Variants in USP34 observed in about 807,000 individuals in gnomAD.
The protein encoded by USP34 is ubiquitin specific peptidase 34.
USP34 carries 70 observed loss-of-function variants against 460.3 expected under a neutral mutation model. The ratio of observed to expected loss-of-function variants is 0.15; its 90% CI spans 0.13 to 0.19. USP34 has a LOEUF of 0.19. USP34 is among the 10% of genes least tolerant of loss of function. The pLI, the probability that USP34 is intolerant of heterozygous loss-of-function variation, is 1.00. For synonymous variants in USP34, 1,647 were observed against 1,405.3 expected, an observed-to-expected ratio of 1.17 and a Z score of -3.85; for missense variants, 3,985 against 4,236.2, an observed-to-expected ratio of 0.94 and a Z score of 1.65.
At chr2:61,256,776 G>GA in intron 47 of USP34, 97 bp downstream of exon 47, 3 of 923,922 alleles carry the variant, frequency 3.2e-6, no homozygotes, top group East Asian at 2.9e-5. Context: ...ATAAAAACAT[G>GA]AAAAAAGTTT....
intron 53 of USP34, among the ~76,000 whole-genome samples, chr2:61,238,520 G>A (rs1226123647): frequency 6.6e-6 from 1 of 152,048 alleles, no homozygotes; most frequent in African/African-American, 2.4e-5. Context: ...TAATTAGTTT[G>A]CTTAATCTCT....
intron 14 of USP34, 44 bp from the exon 15 acceptor site, chr2:61,348,524 T>G (rs368113258): frequency 6.4e-7 from 1 of 1,564,176 alleles, no homozygotes; most frequent in African/African-American, 1.4e-5. Context: ...TTTAAACCAG[T>G]AAGAAAAAAG....
In USP34 at chr2:61,433,388, C is replaced by T. The variant is rs567688046; in HGVS notation, c.44-12555G>A. Among the ~76,000 whole-genome samples the T allele has an allele frequency of 2.0e-5, 3 of 152,318 alleles. No individual in the cohort carries two copies. The East Asian group carries it at 5.8e-4, about 29-fold the overall frequency. ...GTGGCTCATGCCTGTAATCCCAGCA[C>T]TTTGAGGAGCTGAGGCAGGCGGATC... On this transcript the variant is annotated intron_variant, in intron 1 of 79. Coordinates refer to ENST00000398571, the MANE Select transcript of USP34 (RefSeq NM_014709.4).
Position 61,470,676 on chromosome 2 carries a change from G to A in USP34, c.17C>T (p.Ala6Val). Residue 6 changes from alanine to valine, a missense_variant, in exon 1 of 80, where the codon GCA (alanine) becomes GTA (valine). By Grantham distance (64) the Ala-to-Val change is moderately conservative (BLOSUM62 0). Transcript: ENST00000398571. MCENC[A>V]DLVEVLNEIS... Reference sequence around the variant, plus strand: ...TTCATTTAACACCTCCACCAGGTCTGCGCAGTTCTCGCACATCGTTCGGCC... The same window carrying A: ...TTCATTTAACACCTCCACCAGGTCTACGCAGTTCTCGCACATCGTTCGGCC... 1.3e-6 allele frequency: 2 copies of A among 1,595,236 alleles called. No homozygotes were observed. Among genetic ancestry groups the A allele is most frequent in the Non-Finnish European group, 1.7e-6 (2 of 1,171,256 alleles).
At chr2:61,267,439 G>A (rs1689084102) in intron 41 of USP34, among the ~76,000 whole-genome samples, 3 of 151,844 alleles carry the variant, frequency 2.0e-5, no homozygotes, top group South Asian at 4.1e-4. Context: ...AAAGTGGTTA[G>A]GAGATTTTTT....
intron 19 of USP34, 102 bp from the exon 20 acceptor site, chr2:61,331,473 G>C: frequency 7.3e-6 from 7 of 957,696 alleles, no homozygotes; most frequent in Non-Finnish European, 1.0e-5. Context: ...ATCTTCAAAT[G>C]TAAAATTTTA....
At chr2:61,449,903 TA>T (rs1324991857) in intron 1 of USP34, among the ~76,000 whole-genome samples, 1 of 151,816 alleles carries the variant, frequency 6.6e-6, no homozygotes, top group Non-Finnish European at 1.5e-5. Flanking sequence ...CCGTCTCTAC[TA>T]AAAATACAAA....
chr2:61,301,255 A>T, intron 28 of USP34, 95 bp from the exon 29 acceptor site: 1 of 1,513,384 alleles, frequency 6.6e-7, no homozygotes, highest in Non-Finnish European at 9.0e-7. Context: ...ATTTTAATAT[A>T]ACAAAGCAAT....
rs898839663 is a variant in USP34 at position 61,219,761 on chromosome 2, G to C, written c.8047+549C>G. On this transcript the variant is annotated intron_variant, in intron 67 of 79. Coordinates refer to ENST00000398571, the MANE Select transcript of USP34 (RefSeq NM_014709.4). ...GACTGTAGGGCCTTCTCAGCAAATAGATAGAAAATGTTTATAATAAGAAAT... is the reference window on the plus strand; with the variant it reads ...GACTGTAGGGCCTTCTCAGCAAATACATAGAAAATGTTTATAATAAGAAAT... Among the ~76,000 whole-genome samples the C allele has an allele frequency of 5.3e-5, 8 of 151,562 alleles. No individual in the cohort carries two copies. The East Asian group carries it at 9.7e-4, about 18-fold the overall frequency.
chr2:61,304,736 G>A (rs1200728782), intron 27 of USP34, among the ~76,000 whole-genome samples: 1 of 152,162 alleles, frequency 6.6e-6, no homozygotes, highest in African/African-American at 2.4e-5. Flanking sequence ...CCCATTTATG[G>A]TAGTTTTATA....
At chr2:61,259,283 A>T (rs187268646) in intron 44 of USP34, among the ~76,000 whole-genome samples, 144 of 151,846 alleles carry the variant, frequency 9.5e-4, no homozygotes, top group Middle Eastern at 3.4e-3. Context: ...AATAAATAAA[A>T]AAGTAAGAAA....
chr2:61,216,820 A>G (rs1202453466), intron 67 of USP34, among the ~76,000 whole-genome samples: 1 of 151,844 alleles, frequency 6.6e-6, no homozygotes, highest in African/African-American at 2.4e-5. Context: ...CAGGAGGCTG[A>G]GGCACAAGAA....
chr2:61,355,798 C>T (rs1692084403), intron 10 of USP34, among the ~76,000 whole-genome samples: 1 of 152,024 alleles, frequency 6.6e-6, no homozygotes, highest in Non-Finnish European at 1.5e-5. Context: ...TTTAACTCTC[C>T]AATCAAAAGA....
intron 2 of USP34, among the ~76,000 whole-genome samples, chr2:61,407,826 G>A (rs1186547678): frequency 6.6e-6 from 1 of 152,148 alleles, no homozygotes; most frequent in Admixed American, 6.5e-5. Flanking sequence ...TTAACAACCA[G>A]CACTGAGGCT....
intron 75 of USP34, among the ~76,000 whole-genome samples, chr2:61,197,543 G>A (rs534664864): frequency 2.6e-5 from 4 of 152,108 alleles, no homozygotes; most frequent in Non-Finnish European, 5.9e-5. Context: ...CCATTTGTTA[G>A]CATTTTCATG....
At chr2:61,284,622 G>C (rs919539519) in intron 35 of USP34, among the ~76,000 whole-genome samples, 8 of 152,158 alleles carry the variant, frequency 5.3e-5, no homozygotes, top group Non-Finnish European at 1.0e-4. Context: ...CTGGTGAACA[G>C]TCATGATATC....
At chr2:61,411,380 C>CAAAA (rs35518324) in intron 2 of USP34, among the ~76,000 whole-genome samples, 1 of 118,084 alleles carries the variant, frequency 8.5e-6, no homozygotes. Flanking sequence ...GATCCTGTCT[C>CAAAA]AAAAAAAAAA....
intron 57 of USP34, among the ~76,000 whole-genome samples, chr2:61,233,463 C>T (rs763303271): frequency 6.6e-6 from 1 of 152,080 alleles, no homozygotes; most frequent in Admixed American, 6.5e-5. Flanking sequence ...CTCATTTAAA[C>T]CAATCAACTG....
At chr2:61,428,965 T>C (rs1433153866) in intron 1 of USP34, among the ~76,000 whole-genome samples, 1 of 151,994 alleles carries the variant, frequency 6.6e-6, no homozygotes, top group Non-Finnish European at 1.5e-5. Flanking sequence ...AACAAAATAA[T>C]AACTTTACTC....
Sources: allele counts gnomAD v4.1 joint callset (sites outside exome capture counted in the v4.1 genomes callset), GRCh38; gene constraint gnomAD v4.1.1; transcripts MANE v1.5; gene names NCBI Gene and HGNC (gene_info 2026-07-23, HGNC 2026-07-21).